Variants in CADM2 observed in about 807,000 individuals in gnomAD.
CADM2 encodes the protein immunoglobulin superfamily member 4D.
A neutral mutation model predicts 49.8 loss-of-function variants in CADM2; 12 were observed. That is an observed-to-expected ratio of 0.24 (90% CI 0.15 to 0.39). The LOEUF is 0.39. CADM2 is among the 10% of genes least tolerant of loss of function. The probability of loss-of-function intolerance (pLI) is 1.00; values close to 1 mark genes in which losing one functional copy is unlikely to be tolerated. For synonymous variants in CADM2, 214 were observed against 175.4 expected (o/e 1.22, Z -1.74); for missense variants, 378 against 492.3 (o/e 0.77, Z 2.20).
At chr3:85,601,104 A>T (rs2063379641) in intron 1 of CADM2, among the ~76,000 whole-genome samples, 1 of 140,692 alleles carries the variant, frequency 7.1e-6, no homozygotes, top group African/African-American at 2.6e-5. Context: ...AAAAGTAATT[A>T]ATATACTGTG....
At chr3:85,828,367 A>G (rs528344885) in intron 3 of CADM2, among the ~76,000 whole-genome samples, 3 of 152,012 alleles carry the variant, frequency 2.0e-5, no homozygotes, top group Non-Finnish European at 2.9e-5. Flanking sequence ...TAGGAATTTT[A>G]AAACAGGAAT....
At chr3:85,108,999 A>G (rs1319126973) in intron 1 of CADM2, among the ~76,000 whole-genome samples, 2 of 152,082 alleles carry the variant, frequency 1.3e-5, no homozygotes, top group Non-Finnish European at 2.9e-5. Flanking sequence ...GATGCAGCAT[A>G]TATTAATCTG....
chr3:85,850,309 C>T lies in CADM2; in HGVS notation c.239-32982C>T, dbSNP rs1370691212. 2.9e-5 allele frequency among the ~76,000 whole-genome samples: 4 copies of T among 137,616 alleles called. No individual in the cohort carries two copies. The Admixed American group carries it at 3.0e-4, about 10-fold the overall frequency. The allele number at this position is 137,616 out of a possible 152,430, so 90.3% of individuals were successfully genotyped here. A position where few individuals can be genotyped will look rare whatever the true frequency, so the allele number is the denominator to read the frequency against. On this transcript the variant is annotated intron_variant, in intron 3 of 9. Transcript: ENST00000383699. The stretch of plus-strand genomic sequence containing the variant: ...AACTGCTCTCTGTTCTGGTCTGTTG[C>T]AATTCTTTTTTTTTTTTTTTTTTTT...
chr3:85,083,847 A>G (rs1351234625), intron 1 of CADM2, among the ~76,000 whole-genome samples: 1 of 152,168 alleles, frequency 6.6e-6, no homozygotes, highest in Non-Finnish European at 1.5e-5. Flanking sequence ...GAGCCACAAC[A>G]TGTATTCTAC....
At chr3:85,295,401 G>T (rs1220753751) in intron 1 of CADM2, among the ~76,000 whole-genome samples, 2 of 152,126 alleles carry the variant, frequency 1.3e-5, no homozygotes, top group Admixed American at 6.5e-5. Context: ...CAGGGATCTA[G>T]AACTAGAAAT....
intron 1 of CADM2, among the ~76,000 whole-genome samples, chr3:85,464,977 G>A (rs908260784): frequency 5.3e-5 from 8 of 151,992 alleles, no homozygotes; most frequent in African/African-American, 1.7e-4. Flanking sequence ...GTGAAACCCC[G>A]TCTCTACTGA....
At chr3:85,254,153 G>C (rs2042834606) in intron 1 of CADM2, among the ~76,000 whole-genome samples, 1 of 151,760 alleles carries the variant, frequency 6.6e-6, no homozygotes, top group Non-Finnish European at 1.5e-5. Flanking sequence ...CAGTACTCAG[G>C]GTAATATTTA....
chr3:85,929,312 T>G (rs1454796665), intron 6 of CADM2, among the ~76,000 whole-genome samples: 1 of 152,088 alleles, frequency 6.6e-6, no homozygotes, highest in Non-Finnish European at 1.5e-5. Context: ...TTAGAAAATA[T>G]TCCCAATTTC....
chr3:85,237,744 G>A (rs72915086), intron 1 of CADM2, among the ~76,000 whole-genome samples: 34,416 of 151,412 alleles, frequency 0.23, 6,530 homozygotes, highest in African/African-American at 0.53. Flanking sequence ...AAGGCATCAA[G>A]TTTTATACTT....
At chr3:85,844,308 C>T (rs535654036) in intron 3 of CADM2, among the ~76,000 whole-genome samples, 97 of 152,080 alleles carry the variant, frequency 6.4e-4, no homozygotes, top group African/African-American at 2.3e-3. Flanking sequence ...TTTTACCATA[C>T]TTTGAATTTT....
chr3:85,771,589 C>T lies in CADM2; in HGVS notation c.89-30458C>T, dbSNP rs113667939. ...TTTTAAACAGATACTAAACATTTGA[C>T]GGAAATACTAGAAAAATGTATCCAT... On this transcript the variant is annotated intron_variant, in intron 2 of 9. Coordinates refer to ENST00000383699, the MANE Select transcript of CADM2 (RefSeq NM_001167675.2). Among the ~76,000 whole-genome samples the T allele has an allele frequency of 8.1e-3, 1,237 of 151,886 alleles. 18 individuals carry two copies. Among genetic ancestry groups the T allele is most frequent in the African/African-American group, 0.027 (1,131 of 41,422 alleles).
At chr3:85,656,974 C>A (rs1187488404) in intron 1 of CADM2, among the ~76,000 whole-genome samples, 1 of 152,154 alleles carries the variant, frequency 6.6e-6, no homozygotes, top group Non-Finnish European at 1.5e-5. Context: ...GATTACACTA[C>A]TTCTAAATAT....
At chr3:85,491,200 CTTG>C (rs1559866992) in intron 1 of CADM2, among the ~76,000 whole-genome samples, 2 of 152,102 alleles carry the variant, frequency 1.3e-5, no homozygotes, top group Admixed American at 6.5e-5. Context: ...ATGGAAGGCC[CTTG>C]TTGTACGTCA....
At chr3:85,042,998 G>T (rs1196969984) in intron 1 of CADM2, among the ~76,000 whole-genome samples, 1 of 152,090 alleles carries the variant, frequency 6.6e-6, no homozygotes, top group African/African-American at 2.4e-5. Flanking sequence ...TTTAGACAAA[G>T]AAATGGTACT....
At position 85,117,425 on chromosome 3, in the gene CADM2, A is replaced by G. The variant is rs2038677725; in HGVS notation, c.61+157757A>G. On this transcript the variant is annotated intron_variant, in intron 1 of 9. Transcript: ENST00000383699. ...ATGGCTGACTTAATTAAAACTAATT[A>G]ACATTGTTATTGTGTAACTAATGGC... Among the ~76,000 whole-genome samples the G allele has an allele frequency of 2.6e-5, 4 of 152,324 alleles. No homozygotes were observed. The South Asian group carries it at 8.3e-4, about 32-fold the overall frequency.
chr3:85,576,110 ATAAC>A (rs2062626322), intron 1 of CADM2, among the ~76,000 whole-genome samples: 1 of 152,220 alleles, frequency 6.6e-6, no homozygotes, highest in South Asian at 2.1e-4. Context: ...ACCTCTTAGT[ATAAC>A]TACCAGATTG....
At chr3:85,294,446 G>A (rs1405650652) in intron 1 of CADM2, among the ~76,000 whole-genome samples, 2 of 151,688 alleles carry the variant, frequency 1.3e-5, no homozygotes, top group African/African-American at 4.9e-5. Flanking sequence ...CTACTTTAAA[G>A]TTCATATGGA....
intron 1 of CADM2, among the ~76,000 whole-genome samples, chr3:85,451,779 T>C (rs2037758029): frequency 6.6e-6 from 1 of 152,138 alleles, no homozygotes; most frequent in Non-Finnish European, 1.5e-5. Context: ...TCCAAGATTT[T>C]TTAAAATTCA....
intron 1 of CADM2, among the ~76,000 whole-genome samples, chr3:85,637,977 A>C (rs970450448): frequency 6.6e-6 from 1 of 152,242 alleles, no homozygotes; most frequent in African/African-American, 2.4e-5. Flanking sequence ...CTAATGCGAT[A>C]TATGAACAAG....
Sources: gnomAD v4.1 joint callset for allele counts (sites outside exome capture counted in the v4.1 genomes callset) on GRCh38, gnomAD v4.1.1 for gene constraint, MANE v1.5 for transcripts, NCBI Gene and HGNC (gene_info 2026-07-23, HGNC 2026-07-21) for gene names.